Variants in KCTD16 observed in about 807,000 individuals in gnomAD.
The protein encoded by KCTD16 is potassium channel tetramerization domain containing 16, also known as BTB/POZ domain-containing protein KCTD16.
A neutral mutation model predicts 33.2 loss-of-function variants in KCTD16; 13 were observed. The observed-to-expected ratio is 0.39, with a 90% CI of 0.25 to 0.62. The LOEUF (loss-of-function observed/expected upper bound fraction) is 0.62. Ranked by LOEUF, KCTD16 falls within the 20% of genes least tolerant of loss-of-function variation. KCTD16 has a pLI of 0.50. For synonymous variants in KCTD16, 197 were observed against 195.3 expected (o/e 1.01, Z -0.07); for missense variants, 441 against 525.1 (o/e 0.84, Z 1.57).
chr5:144,371,332 C>T lies in KCTD16; in HGVS notation c.833-102328C>T, dbSNP rs112755877. Among the ~76,000 whole-genome samples the T allele has an allele frequency of 9.3e-3, 1,419 of 152,188 alleles. 8 individuals carry two copies. The highest frequency in any genetic ancestry group is 0.015 in the Non-Finnish European group (1,016 of 68,000). Reference sequence around the variant, plus strand: ...ATAATTTGGGAAATAATGATTTTAACGGTCTATCATAAAGGAAATTGTCCC... The same window carrying T: ...ATAATTTGGGAAATAATGATTTTAATGGTCTATCATAAAGGAAATTGTCCC... On this transcript the variant is annotated intron_variant, in intron 3 of 3. Coordinates refer to ENST00000512467, the MANE Select transcript of KCTD16 (RefSeq NM_020768.4).
At chr5:144,361,095 CT>C (rs1751702597) in intron 3 of KCTD16, among the ~76,000 whole-genome samples, 1 of 144,616 alleles carries the variant, frequency 6.9e-6, no homozygotes, top group Non-Finnish European at 1.5e-5. Context: ...TGATGTTCCC[CT>C]TCCTGTGTCC....
chr5:144,322,135 A>G lies in KCTD16; in HGVS notation c.832+114589A>G, dbSNP rs140827239. Among the ~76,000 whole-genome samples the G allele has an allele frequency of 2.5e-3, 375 of 152,234 alleles. 4 individuals carry two copies. The highest frequency in any genetic ancestry group is 8.6e-3 in the African/African-American group (358 of 41,558). On this transcript the variant is annotated intron_variant, in intron 3 of 3. Transcript: ENST00000512467. ...AAAGCAGATTTTTTTTATTGTCCTG[A>G]GTTTATGAGTAGCCATAAAATCATA...
intron 3 of KCTD16, among the ~76,000 whole-genome samples, chr5:144,397,259 T>C (rs1752593290): frequency 6.6e-6 from 1 of 152,106 alleles, no homozygotes; most frequent in Non-Finnish European, 1.5e-5. Context: ...GAACTCATCC[T>C]TTTTTATGGC....
At chr5:144,441,416 A>AT (rs1379666552) in intron 3 of KCTD16, among the ~76,000 whole-genome samples, 2 of 151,918 alleles carry the variant, frequency 1.3e-5, no homozygotes, top group Middle Eastern at 3.4e-3. Flanking sequence ...TCTGTGATTT[A>AT]TTTTTTTACC....
At chr5:144,468,656 TACCAAGAAAGCCTTTC>T in intron 3 of KCTD16, among the ~76,000 whole-genome samples, 1 of 152,314 alleles carries the variant, frequency 6.6e-6, no homozygotes, top group Admixed American at 6.5e-5. Context: ...TCAACTGGGA[TACCAAGAAAGCCTTTC>T]AGCAGCCTCG....
intron 3 of KCTD16, among the ~76,000 whole-genome samples, chr5:144,210,495 A>C (rs1458413731): frequency 6.6e-6 from 1 of 152,180 alleles, no homozygotes; most frequent in Non-Finnish European, 1.5e-5. Context: ...CTTTAATTTA[A>C]AACAATAAGA....
intron 3 of KCTD16, among the ~76,000 whole-genome samples, chr5:144,342,623 G>T (rs1014991123): frequency 4.6e-5 from 7 of 152,136 alleles, no homozygotes; most frequent in Non-Finnish European, 8.8e-5. Context: ...ATGTTGAATC[G>T]GAGTGGTGAG....
Position 144,485,130 on chromosome 5 carries a change from G to A in KCTD16, c.*11016G>A, listed in dbSNP as rs556351266. On this transcript the variant is annotated 3_prime_UTR_variant, in exon 4 of 4. Coordinates refer to ENST00000512467, the MANE Select transcript of KCTD16 (RefSeq NM_020768.4). ...TGTTTTTACCTTGGGATGTAACACT[G>A]TAGATCTTCGCCTGCTGTATTTCTT... is the stretch of plus-strand genomic sequence containing the variant. 4 of 151,956 alleles carry A rather than the reference G, an allele frequency of 2.6e-5. No homozygotes were observed. Among genetic ancestry groups the A allele is most frequent in the African/African-American group, 9.6e-5 (4 of 41,506 alleles). The allele number at this position is 151,956 out of a possible 1,614,324, so 9.4% of individuals were successfully genotyped here.
rs181425945 is a variant in KCTD16 at position 144,361,173 on chromosome 5, C to T, written c.833-112487C>T. Among the ~76,000 whole-genome samples, 31 of 150,378 alleles carry T rather than the reference C, an allele frequency of 2.1e-4. No homozygotes were observed. In the East Asian group the frequency reaches 4.6e-3, roughly 22 times the overall value. On this transcript the variant is annotated intron_variant, in intron 3 of 3. Coordinates refer to ENST00000512467, the MANE Select transcript of KCTD16 (RefSeq NM_020768.4). ...TGCGGTGTTTGGTTTTTTGTTCTTG[C>T]GATAGTTTACTGAGAATGATGATTT... is the stretch of plus-strand genomic sequence containing the variant.
chr5:144,402,169 C>T (rs1752716286), intron 3 of KCTD16, among the ~76,000 whole-genome samples: 1 of 152,136 alleles, frequency 6.6e-6, no homozygotes, highest in South Asian at 2.1e-4. Flanking sequence ...TATGCAGTGC[C>T]CAAGGCTGTT....
chr5:144,212,991 C>G (rs1753445535), intron 3 of KCTD16, among the ~76,000 whole-genome samples: 1 of 151,964 alleles, frequency 6.6e-6, no homozygotes, highest in South Asian at 2.1e-4. Flanking sequence ...TTTCTTTATC[C>G]ACAAATGCTA....
At chr5:144,379,640 G>A (rs185764052) in intron 3 of KCTD16, among the ~76,000 whole-genome samples, 3 of 152,176 alleles carry the variant, frequency 2.0e-5, no homozygotes, top group African/African-American at 7.2e-5. Context: ...CTTTGTATGG[G>A]TATGACAGAA....
intron 3 of KCTD16, among the ~76,000 whole-genome samples, chr5:144,261,245 T>C (rs544258864): frequency 6.6e-6 from 1 of 151,542 alleles, no homozygotes; most frequent in East Asian, 1.9e-4. Flanking sequence ...CCTAAAGATT[T>C]CCTTTACACA....
intron 3 of KCTD16, among the ~76,000 whole-genome samples, chr5:144,335,148 G>A (rs1220764318): frequency 6.6e-6 from 1 of 152,034 alleles, no homozygotes; most frequent in African/African-American, 2.4e-5. Context: ...TTGTGAGTGA[G>A]CCTTCAGCAC....
At chr5:144,216,098 T>G (rs924904572) in intron 3 of KCTD16, among the ~76,000 whole-genome samples, 5 of 152,240 alleles carry the variant, frequency 3.3e-5, no homozygotes, top group Non-Finnish European at 5.9e-5. Context: ...AAATTAAGAA[T>G]ACAACTTAAA....
At chr5:144,356,243 G>T (rs777083553) in intron 3 of KCTD16, among the ~76,000 whole-genome samples, 1 of 152,152 alleles carries the variant, frequency 6.6e-6, no homozygotes, top group Non-Finnish European at 1.5e-5. Context: ...CATATGAGAA[G>T]TTCGAAAAAG....
chr5:144,339,280 G>A (rs547065019), intron 3 of KCTD16, among the ~76,000 whole-genome samples: 30 of 152,272 alleles, frequency 2.0e-4, no homozygotes, highest in African/African-American at 5.1e-4. Flanking sequence ...AGAAAGTGCC[G>A]AAGCTACATT....
At chr5:144,366,443 A>G (rs1482766191) in intron 3 of KCTD16, among the ~76,000 whole-genome samples, 1 of 152,188 alleles carries the variant, frequency 6.6e-6, no homozygotes, top group Non-Finnish European at 1.5e-5. Flanking sequence ...AAGACAGCAT[A>G]AAGTTGTGAT....
chr5:144,182,794 C>G (rs1222645470), intron 2 of KCTD16, among the ~76,000 whole-genome samples: 1 of 151,932 alleles, frequency 6.6e-6, no homozygotes, highest in Non-Finnish European at 1.5e-5. Context: ...CAGACAGAGA[C>G]AGGTTAAAGA....
Sources: allele counts gnomAD v4.1 joint callset (sites outside exome capture counted in the v4.1 genomes callset), GRCh38; gene constraint gnomAD v4.1.1; transcripts MANE v1.5; gene names NCBI Gene and HGNC (gene_info 2026-07-23, HGNC 2026-07-21).